RLBP1: variants seen among roughly 807,000 people sequenced by gnomAD.
RLBP1 encodes the protein retinaldehyde-binding protein 1.
Under a neutral mutation model 36.2 loss-of-function variants are expected in RLBP1, and 26 were observed. The observed-to-expected ratio is 0.72, with a 90% CI of 0.53 to 1.00. The LOEUF is 1.00. Among genes scored for constraint, RLBP1 ranks in the 50% least tolerant of loss-of-function variants. The pLI, the probability that RLBP1 is intolerant of heterozygous loss-of-function variation, is 0.00. For synonymous variants in RLBP1, 155 were observed against 156.2 expected (o/e 0.99, Z 0.06); for missense variants, 410 against 402.4 (o/e 1.02, Z -0.16).
chr15:89,214,019 TAAAG>T lies in RLBP1; in HGVS notation c.525+1037_525+1040del, dbSNP rs1200234736. On this transcript the variant is annotated intron_variant, in intron 6 of 8. Coordinates refer to ENST00000268125, the MANE Select transcript of RLBP1 (RefSeq NM_000326.5). The surrounding 1 kb of genome is among the most constrained non-coding windows in gnomAD (Gnocchi z 4.6). ...AGTATGATATTGGAGTATGAATAGA[TAAAG>T]AGACCAATGGAACAGAATAGAAAGT... Among the ~76,000 whole-genome samples the T allele has an allele frequency of 6.6e-6, 1 of 151,926 alleles. No homozygotes were observed. Among genetic ancestry groups the T allele is most frequent in the Non-Finnish European group, 1.5e-5 (1 of 68,014 alleles).
At chr15:89,215,594 C>CTGGGCACAGGATAAGCTGAGTGGTGAGG (rs2051573728) in intron 5 of RLBP1, among the ~76,000 whole-genome samples, 1 of 152,158 alleles carries the variant, frequency 6.6e-6, no homozygotes, top group Admixed American at 6.5e-5. Context: ...GATTTTTCAG[C>CTGGGCACAGGATAAGCTGAGTGGTGAGG]TGGGCACAGG....
chr15:89,215,649 C>T (rs1442875501), intron 5 of RLBP1, among the ~76,000 whole-genome samples: 1 of 152,130 alleles, frequency 6.6e-6, no homozygotes, highest in Non-Finnish European at 1.5e-5. Context: ...GAGAAGCTCC[C>T]AAGTAAAATC....
rs568880856 is a variant in RLBP1, at chr15:89,211,943, C to T, written c.526-42G>A. On this transcript the variant is annotated intron_variant, in intron 6 of 8. Coordinates refer to ENST00000268125, the MANE Select transcript of RLBP1 (RefSeq NM_000326.5). The surrounding 1 kb of genome is among the most constrained non-coding windows in gnomAD (Gnocchi z 5.8). ...ACAGGCTGTAAGATCTAACCCGCAA[C>T]AATAATTAAGGCTTGAGGTCCTGAG... 5 of 1,610,236 alleles carry T rather than the reference C, an allele frequency of 3.1e-6. No individual in the cohort carries two copies. In the South Asian group the frequency reaches 3.3e-5, roughly 11 times the overall value.
rs1179890023 is a variant in RLBP1, at chr15:89,210,831, C to T, written c.685-22G>A. On this transcript the variant is annotated intron_variant, in intron 7 of 8. Coordinates refer to ENST00000268125, the MANE Select transcript of RLBP1 (RefSeq NM_000326.5). This position sits in a 1 kb window ranked among gnomAD's most constrained non-coding sequence, Gnocchi z 4.7. ...AATCCTGCGGTGACAGAGAGATACC[C>T]CGTTCCCCATGGCCCCAGTGACCTC... The T allele has an allele frequency of 2.0e-6, 3 of 1,517,644 alleles. No individual in the cohort carries two copies. The highest frequency in any genetic ancestry group is 2.7e-6 in the Non-Finnish European group (3 of 1,112,760). 94.0% of individuals were successfully genotyped at this position (1,517,644 alleles called of 1,614,324 possible).
Position 89,214,960 on chromosome 15 carries a change from C to A in RLBP1, c.525+100G>T, listed in dbSNP as rs1465379560. 2 of 1,288,682 alleles carry A rather than the reference C, an allele frequency of 1.6e-6. No individual in the cohort carries two copies. Among genetic ancestry groups the A allele is most frequent in the South Asian group, 1.2e-5 (1 of 83,462 alleles). 79.8% of individuals were successfully genotyped at this position (1,288,682 alleles called of 1,614,324 possible). ...CTGCCCACCTTTCCCCCTCTACAGA[C>A]CTTGCCTCCTGGAGAACCAGGAATG... On this transcript the variant is annotated intron_variant, in intron 6 of 8. Transcript: ENST00000268125. This position sits in a 1 kb window ranked among gnomAD's most constrained non-coding sequence, Gnocchi z 4.6.
rs2051528871 is a variant in RLBP1 at position 89,210,544 on chromosome 15, A to G, written c.796-101T>C. 3.5e-6 allele frequency: 5 copies of G among 1,417,150 alleles called. No individual in the cohort carries two copies. The highest frequency in any genetic ancestry group is 5.0e-6 in the Non-Finnish European group (5 of 1,008,528). 87.8% of individuals were successfully genotyped at this position (1,417,150 alleles called of 1,614,324 possible). A position where few individuals can be genotyped will look rare whatever the true frequency, so the allele number is the denominator to read the frequency against. ...AGGAGGACAAAGCCCCATCATGTGC[A>G]GTCTTTGCCTGGCGACACCTCTCTC... On this transcript the variant is annotated intron_variant, in intron 8 of 8. Transcript: ENST00000268125. The surrounding 1 kb of genome is among the most constrained non-coding windows in gnomAD (Gnocchi z 4.7).
At position 89,219,064 on chromosome 15, in the gene RLBP1, AG is replaced by A. The variant is rs2150972170; in HGVS notation, c.-90del. The A allele has an allele frequency of 6.6e-7, 1 of 1,506,794 alleles. No individual in the cohort carries two copies. The highest frequency in any genetic ancestry group is 2.3e-5 in the East Asian group (1 of 44,366). The allele number at this position is 1,506,794 out of a possible 1,614,324, so 93.3% of individuals were successfully genotyped here. On this transcript the variant is annotated 5_prime_UTR_variant, in exon 3 of 9. Coordinates refer to ENST00000268125, the MANE Select transcript of RLBP1 (RefSeq NM_000326.5). ...CTCCAGCCGGCCCCTTCCCTAGGATAGGAAGTCAGGGCTGCAGGGGTTAGAA... is the reference window on the plus strand; with the variant it reads ...CTCCAGCCGGCCCCTTCCCTAGGATAGAAGTCAGGGCTGCAGGGGTTAGAA...
chr15:89,219,016 A>T lies in RLBP1; in HGVS notation c.-41T>A. On this transcript the variant is annotated 5_prime_UTR_variant, in exon 3 of 9. Coordinates refer to ENST00000268125, the MANE Select transcript of RLBP1 (RefSeq NM_000326.5). ...CACAGAGTCCTTGGAAAAAGAAGGG[A>T]TCTGCTTTCTCTGTCCTGGCCTCTC... The T allele has an allele frequency of 1.2e-6, 2 of 1,613,780 alleles. No individual in the cohort carries two copies. The highest frequency in any genetic ancestry group is 1.1e-5 in the South Asian group (1 of 91,060).
At chr15:89,220,619 C>T (rs915808028) in intron 1 of RLBP1, among the ~76,000 whole-genome samples, 1 of 152,046 alleles carries the variant, frequency 6.6e-6, no homozygotes, top group Non-Finnish European at 1.5e-5. Flanking sequence ...ACCTTTCTGG[C>T]TGGTAGACAT....
chr15:89,218,505 T>C lies in RLBP1; in HGVS notation c.141+60A>G. On this transcript the variant is annotated intron_variant, in intron 4 of 8. Coordinates refer to ENST00000268125, the MANE Select transcript of RLBP1 (RefSeq NM_000326.5). This position sits in a 1 kb window ranked among gnomAD's most constrained non-coding sequence, Gnocchi z 4.6. The stretch of plus-strand genomic sequence containing the variant: ...CCTTTTCACAGGAGAGAGAATGCAG[T>C]CATGTTCCCCTCATGTTGCCTCCCT... 1 of 1,611,574 alleles carries C rather than the reference T, an allele frequency of 6.2e-7. No homozygotes were observed. The highest frequency in any genetic ancestry group is 1.1e-5 in the South Asian group (1 of 90,884).
At position 89,214,989 on chromosome 15, in the gene RLBP1, G is replaced by A. The variant is rs545252242; in HGVS notation, c.525+71C>T. ...GCCTCCTGGAGAACCAGGAATGAGG[G>A]CCCAGTAGAGGCCAGGGTTGAGGGA... On this transcript the variant is annotated intron_variant, in intron 6 of 8. Transcript: ENST00000268125. The surrounding 1 kb of genome is among the most constrained non-coding windows in gnomAD (Gnocchi z 4.6). The A allele has an allele frequency of 3.7e-5, 55 of 1,505,014 alleles. 2 individuals are homozygous for A. In the South Asian group the frequency reaches 6.0e-4, roughly 16 times the overall value. 93.2% of individuals were successfully genotyped at this position (1,505,014 alleles called of 1,614,324 possible).
At chr15:89,213,628 C>T (rs2051555842) in intron 6 of RLBP1, among the ~76,000 whole-genome samples, 1 of 152,182 alleles carries the variant, frequency 6.6e-6, no homozygotes, top group African/African-American at 2.4e-5. Context: ...GAGTCTCTCT[C>T]TGTCCCCCCA....
At chr15:89,216,470 G>C (rs925437137) in intron 5 of RLBP1, among the ~76,000 whole-genome samples, 3 of 152,182 alleles carry the variant, frequency 2.0e-5, no homozygotes, top group Non-Finnish European at 2.9e-5. Flanking sequence ...TTACAGGCAT[G>C]CGCCACCACG....
intron 5 of RLBP1, among the ~76,000 whole-genome samples, chr15:89,216,379 A>G (rs556335149): frequency 4.6e-5 from 7 of 151,538 alleles, no homozygotes; most frequent in Non-Finnish European, 8.8e-5. Flanking sequence ...CTGGAGTGCA[A>G]TGGCACGATC....
At chr15:89,216,686 G>A (rs74029964) in intron 5 of RLBP1, among the ~76,000 whole-genome samples, 1 of 152,194 alleles carries the variant, frequency 6.6e-6, no homozygotes, top group Non-Finnish European at 1.5e-5. Flanking sequence ...TGTCCCCGGG[G>A]TTCATTCCCA....
At position 89,213,016 on chromosome 15, in the gene RLBP1, A is replaced by C. The variant is rs1196574614; in HGVS notation, c.526-1115T>G. Reference sequence around the variant, plus strand: ...CCAAAGTGCTGGGATTACAGGCATGAGCCACTGCGCCCAGCCAATTTTTTG... The same window carrying C: ...CCAAAGTGCTGGGATTACAGGCATGCGCCACTGCGCCCAGCCAATTTTTTG... On this transcript the variant is annotated intron_variant, in intron 6 of 8. Transcript: ENST00000268125. Among the ~76,000 whole-genome samples the C allele has an allele frequency of 2.0e-5, 3 of 152,192 alleles. No individual in the cohort carries two copies. The East Asian group carries it at 5.8e-4, about 29-fold the overall frequency.
chr15:89,218,264 C>T lies in RLBP1; in HGVS notation c.141+301G>A, dbSNP rs967018924. Among the ~76,000 whole-genome samples the T allele has an allele frequency of 6.6e-6, 1 of 152,202 alleles. No homozygotes were observed. Among genetic ancestry groups the T allele is most frequent in the Non-Finnish European group, 1.5e-5 (1 of 68,022 alleles). Reference sequence around the variant, plus strand: ...TGTCTAGCAGGGGCAGCAGTTGGATCCTTGTTCCCCGGGGCCATTTCCAAA... The same window carrying T: ...TGTCTAGCAGGGGCAGCAGTTGGATTCTTGTTCCCCGGGGCCATTTCCAAA... On this transcript the variant is annotated intron_variant, in intron 4 of 8. Coordinates refer to ENST00000268125, the MANE Select transcript of RLBP1 (RefSeq NM_000326.5). This position sits in a 1 kb window ranked among gnomAD's most constrained non-coding sequence, Gnocchi z 4.6.
In RLBP1 at chr15:89,210,407, G is replaced by A. The variant is rs778665719; in HGVS notation, c.832C>T (p.Gln278Ter). Residue 278 changes from glutamine (Q) to a stop codon, truncating the protein, a stop_gained, in exon 9 of 9, where the codon CAG (glutamine) becomes TAG (stop). Coordinates refer to ENST00000268125, the MANE Select transcript of RLBP1 (RefSeq NM_000326.5). LOFTEE classifies it high-confidence loss of function. This position sits in a 1 kb window ranked among gnomAD's most constrained non-coding sequence, Gnocchi z 4.7. ...GGCAGGATGTTCTCATCGATCTCCT[G>A]GTAGAAACCAGAAAGGTCATCCCCG... The part of the protein sequence containing the change: ...VHGDDLSGFY[Q>*]EIDENILPSD... 1.2e-5 allele frequency: 20 copies of A among 1,614,044 alleles called. No homozygotes were observed. The highest frequency in any genetic ancestry group is 1.5e-5 in the Non-Finnish European group (18 of 1,180,008).
intron 6 of RLBP1, among the ~76,000 whole-genome samples, chr15:89,212,739 T>C (rs971504232): frequency 6.6e-6 from 1 of 151,564 alleles, no homozygotes; most frequent in Non-Finnish European, 1.5e-5. Context: ...GTCTGTAATT[T>C]TTTTTTTGAG....
Sources: gnomAD v4.1 joint callset for allele counts (sites outside exome capture counted in the v4.1 genomes callset) on GRCh38, gnomAD v4.1.1 for gene constraint, Gnocchi (gnomAD v3.1) non-coding constraint, MANE v1.5 for transcripts, NCBI Gene and HGNC (gene_info 2026-07-23, HGNC 2026-07-21) for gene names.